COL24A1: variants seen among roughly 807,000 people sequenced by gnomAD.
COL24A1 encodes collagen type XXIV alpha 1 chain.
Under a neutral mutation model 253.9 loss-of-function variants are expected in COL24A1, and 224 were observed. The observed-to-expected ratio is 0.88, with a 90% CI of 0.79 to 0.99. COL24A1 has a LOEUF of 0.99. COL24A1 is among the 50% of genes least tolerant of loss of function. The probability of loss-of-function intolerance (pLI) is 0.00; values close to 1 mark genes in which losing one functional copy is unlikely to be tolerated. For synonymous variants in COL24A1, 685 were observed against 673.7 expected, an observed-to-expected ratio of 1.02 and a Z score of -0.26; for missense variants, 2,131 against 2,068.5, an observed-to-expected ratio of 1.03 and a Z score of -0.59.
intron 47 of COL24A1, among the ~76,000 whole-genome samples, chr1:85,799,211 A>AAAAAAAAGAAAGAAAGTAAG (rs753701297): frequency 7.3e-6 from 1 of 137,546 alleles, no homozygotes; most frequent in African/African-American, 2.8e-5. Flanking sequence ...TTGGCCACAT[A>AAAAAAAAGAAAGAAAGTAAG]AAAGAAAGAA....
At chr1:86,079,455 G>A (rs1028467940) in intron 7 of COL24A1, among the ~76,000 whole-genome samples, 2 of 152,052 alleles carry the variant, frequency 1.3e-5, no homozygotes, top group African/African-American at 4.8e-5. Flanking sequence ...GAACAAATGG[G>A]ATTGCATCAA....
chr1:86,113,837 C>CAAAAAAAAAAAAA (rs36014881), intron 4 of COL24A1, among the ~76,000 whole-genome samples: 17 of 72,430 alleles, frequency 2.3e-4, no homozygotes, highest in East Asian at 4.5e-4. Flanking sequence ...TCCTGTCTCA[C>CAAAAAAAAAAAAA]AAAAAAAAAA....
At chr1:86,040,234 A>C (rs958354487) in intron 12 of COL24A1, among the ~76,000 whole-genome samples, 1 of 151,790 alleles carries the variant, frequency 6.6e-6, no homozygotes, top group African/African-American at 2.4e-5. Flanking sequence ...CCTGAGCCCA[A>C]CCTAGGCCTA....
At chr1:85,810,787 G>A (rs929588535) in intron 47 of COL24A1, among the ~76,000 whole-genome samples, 2 of 152,248 alleles carry the variant, frequency 1.3e-5, no homozygotes, top group South Asian at 2.1e-4. Flanking sequence ...CTTAAAAGCT[G>A]AATAGGTTCC....
intron 42 of COL24A1, 70 bp downstream of exon 42, chr1:85,841,152 G>A (rs1676568274): frequency 9.7e-7 from 1 of 1,030,108 alleles, no homozygotes; most frequent in Non-Finnish European, 1.4e-6. Context: ...AGATTTAATT[G>A]GTGTTGTGAA....
At chr1:85,828,322 T>G (rs1372318809) in intron 43 of COL24A1, among the ~76,000 whole-genome samples, 2 of 151,692 alleles carry the variant, frequency 1.3e-5, no homozygotes, top group Non-Finnish European at 2.9e-5. Context: ...TTACATTTGC[T>G]GAGGGGAGCT....
intron 19 of COL24A1, among the ~76,000 whole-genome samples, chr1:86,016,292 T>C (rs368939429): frequency 6.6e-6 from 1 of 152,204 alleles, no homozygotes. Flanking sequence ...GTAGATCTTA[T>C]GGTTTACAAA....
At chr1:85,952,659 G>GT (rs1233687904) in intron 24 of COL24A1, among the ~76,000 whole-genome samples, 1 of 152,174 alleles carries the variant, frequency 6.6e-6, no homozygotes, top group Non-Finnish European at 1.5e-5. Context: ...CCTGCCAGCT[G>GT]TCTGTTTTTG....
intron 24 of COL24A1, among the ~76,000 whole-genome samples, chr1:85,948,240 T>C (rs1689514404): frequency 6.6e-6 from 1 of 151,896 alleles, no homozygotes; most frequent in Admixed American, 6.6e-5. Context: ...AAAGAAACCA[T>C]TAGGCCGGGC....
At chr1:85,758,397 T>C (rs773301870) in intron 55 of COL24A1, among the ~76,000 whole-genome samples, 6 of 152,158 alleles carry the variant, frequency 3.9e-5, no homozygotes, top group Non-Finnish European at 7.4e-5. Flanking sequence ...TTCCATCATA[T>C]ACACCAAACA....
chr1:86,125,784 T>A lies in COL24A1; in HGVS notation c.552A>T (p.Lys184Asn). The A allele has an allele frequency of 6.2e-7, 1 of 1,613,014 alleles. No individual in the cohort carries two copies. The highest frequency in any genetic ancestry group is 8.5e-7 in the Non-Finnish European group (1 of 1,179,668). ...SVSMFVECGKKYFSTETIPEV... is the reference protein window; with the variant it reads ...SVSMFVECGKNYFSTETIPEV... ...CTGGAATAGTCTCTGTGCTAAAATA[T>A]TTCTTTCCACACTCAACAAACATTG... The change falls in exon 3 of 60, where the codon AAA (lysine) becomes AAT (asparagine). Residue 184 changes from lysine to asparagine, a missense_variant. Coordinates refer to ENST00000370571, the MANE Select transcript of COL24A1 (RefSeq NM_152890.7).
chr1:85,731,153 A>G (rs756529453), intron 59 of COL24A1, among the ~76,000 whole-genome samples: 3 of 152,194 alleles, frequency 2.0e-5, no homozygotes, highest in Non-Finnish European at 4.4e-5. Flanking sequence ...TTAAAATTAT[A>G]ATTATGTGCA....
At chr1:85,836,816 G>T (rs1331002516) in intron 43 of COL24A1, among the ~76,000 whole-genome samples, 3 of 152,172 alleles carry the variant, frequency 2.0e-5, no homozygotes, top group Non-Finnish European at 4.4e-5. Flanking sequence ...TACAAGGAAG[G>T]GGAAGGAGAA....
chr1:85,875,277 C>T lies in COL24A1; in HGVS notation c.3084G>A (p.Lys1028=). 1.9e-6 allele frequency: 3 copies of T among 1,613,460 alleles called. No homozygotes were observed. The highest frequency in any genetic ancestry group is 1.7e-5 in the Admixed American group (1 of 59,914). Residue 1028 remains lysine (K), a splice_region_variant and synonymous_variant, in exon 34 of 60, where the codon AAG becomes AAA. Transcript: ENST00000370571. ...TCTCCTTTATTTTTTAGAAGGTTAC[C>T]TTTGCACCTGGTTCACCTTGCAGAC... The part of the protein sequence containing the change: ...ESGLQGEPGA[K]GDVGTAGSVG...
At chr1:85,867,844 A>G (rs1224835741) in intron 37 of COL24A1, among the ~76,000 whole-genome samples, 2 of 152,116 alleles carry the variant, frequency 1.3e-5, no homozygotes, top group African/African-American at 4.8e-5. Context: ...TCCTGGGTTC[A>G]AGCGATTCTC....
intron 24 of COL24A1, among the ~76,000 whole-genome samples, chr1:85,913,587 G>A (rs1391953699): frequency 1.3e-5 from 2 of 152,122 alleles, no homozygotes; most frequent in East Asian, 3.9e-4. Flanking sequence ...ACTGCCATCC[G>A]GCCACTTTGG....
At chr1:86,122,781 G>T (rs143130100) in intron 3 of COL24A1, among the ~76,000 whole-genome samples, 1 of 151,884 alleles carries the variant, frequency 6.6e-6, no homozygotes, top group African/African-American at 2.4e-5. Flanking sequence ...CCTAGATAAT[G>T]TTCTAGTCCT....
chr1:85,861,221 T>C (rs1327199872), intron 37 of COL24A1, among the ~76,000 whole-genome samples: 1 of 152,214 alleles, frequency 6.6e-6, no homozygotes. Flanking sequence ...ATTTTCCTGA[T>C]ATTTGTAATG....
At chr1:85,988,617 G>T (rs115193065) in intron 19 of COL24A1, among the ~76,000 whole-genome samples, 2,395 of 152,130 alleles carry the variant, frequency 0.016, 54 homozygotes, top group African/African-American at 0.055. Context: ...ATAAGAATCA[G>T]CATCTTTAAA....
Sources: allele counts gnomAD v4.1 joint callset (sites outside exome capture counted in the v4.1 genomes callset), GRCh38; gene constraint gnomAD v4.1.1; transcripts MANE v1.5; gene names NCBI Gene and HGNC (gene_info 2026-07-23, HGNC 2026-07-21).